Variants in HTR2C observed in about 807,000 individuals in gnomAD.
HTR2C encodes the protein 5-hydroxytryptamine (serotonin) receptor 2C, G protein-coupled.
In HTR2C, 5 loss-of-function variants were observed where a neutral mutation model predicts 21.0. The observed-to-expected ratio is 0.24, with a 90% CI of 0.12 to 0.50. The LOEUF (loss-of-function observed/expected upper bound fraction) is 0.50. Among genes scored for constraint, HTR2C ranks in the 20% least tolerant of loss-of-function variants. The pLI is 0.98. For missense variants in HTR2C, 271 were observed against 371.2 expected (o/e 0.73, Z 2.22); for synonymous variants, 150 against 145.3 (o/e 1.03, Z -0.23).
intron 2 of HTR2C, among the ~76,000 whole-genome samples, chrX:114,622,578 G>A (rs973134071): frequency 9.0e-6 from 1 of 111,573 alleles, no homozygotes; most frequent in Non-Finnish European, 1.9e-5. Flanking sequence ...GATTTGCTGA[G>A]TAACTACTCT....
chrX:114,775,170 C>T, intron 4 of HTR2C: 1 of 521,512 alleles, frequency 1.9e-6, no homozygotes, highest in Non-Finnish European at 3.5e-6. Flanking sequence ...ACACTTTGTC[C>T]CTCTGCCTCT....
intron 4 of HTR2C, among the ~76,000 whole-genome samples, chrX:114,841,590 A>C (rs782188211): frequency 2.8e-4 from 31 of 110,386 alleles, no homozygotes; most frequent in African/African-American, 8.2e-4. Context: ...AAATACAAAA[A>C]ATTCGCCTGG....
At chrX:114,713,890 A>G (rs1386440154) in intron 2 of HTR2C, among the ~76,000 whole-genome samples, 1 of 111,396 alleles carries the variant, frequency 9.0e-6, no homozygotes, top group African/African-American at 3.3e-5. Context: ...ACACACACAG[A>G]GTCATGAGCA....
At chrX:114,625,006 T>G (rs1929321571) in intron 2 of HTR2C, among the ~76,000 whole-genome samples, 1 of 111,759 alleles carries the variant, frequency 8.9e-6, no homozygotes, top group Non-Finnish European at 1.9e-5. Flanking sequence ...AAAAAGATAT[T>G]TGGATATAGT....
At chrX:114,721,575 G>T (rs1285197098) in intron 2 of HTR2C, among the ~76,000 whole-genome samples, 2 of 105,239 alleles carry the variant, frequency 1.9e-5, no homozygotes, top group African/African-American at 6.9e-5. Context: ...TGGTGTTTTG[G>T]ACATGAAGTC....
intron 2 of HTR2C, among the ~76,000 whole-genome samples, chrX:114,706,767 A>G (rs1458341275): frequency 9.0e-6 from 1 of 110,988 alleles, no homozygotes; most frequent in Non-Finnish European, 1.9e-5. Flanking sequence ...ATAAAAATAG[A>G]TTTGCATAAA....
chrX:114,849,263 A>T (rs1363977041), intron 5 of HTR2C, among the ~76,000 whole-genome samples: 1 of 112,245 alleles, frequency 8.9e-6, no homozygotes, highest in African/African-American at 3.2e-5. Context: ...AAAAGATGCC[A>T]GCTTTTATGG....
intron 4 of HTR2C, among the ~76,000 whole-genome samples, chrX:114,843,761 T>G: frequency 9.0e-6 from 1 of 111,583 alleles, no homozygotes; most frequent in East Asian, 2.8e-4. Flanking sequence ...AAAGTATCTT[T>G]AACAAGATAA....
chrX:114,614,591 T>A (rs1159443403), intron 2 of HTR2C, among the ~76,000 whole-genome samples: 1 of 110,937 alleles, frequency 9.0e-6, no homozygotes, highest in Non-Finnish European at 1.9e-5. Context: ...ATATCCATGA[T>A]TGGGGTGTAG....
At chrX:114,787,946 C>CAAA (rs1204419085) in intron 4 of HTR2C, among the ~76,000 whole-genome samples, 51 of 33,761 alleles carry the variant, frequency 1.5e-3, no homozygotes, top group African/African-American at 4.6e-3. Flanking sequence ...GACTCTGTCT[C>CAAA]AAAAAAAAAA....
At chrX:114,814,468 T>C (rs182149590) in intron 4 of HTR2C, among the ~76,000 whole-genome samples, 72 of 109,627 alleles carry the variant, frequency 6.6e-4, no homozygotes, top group African/African-American at 2.3e-3. Flanking sequence ...ATCTATCCAG[T>C]GTTAACAATT....
chrX:114,868,934 T>C (rs1179804468), intron 5 of HTR2C, among the ~76,000 whole-genome samples: 1 of 110,646 alleles, frequency 9.0e-6, no homozygotes, highest in African/African-American at 3.3e-5. Flanking sequence ...GTTGGTTTGC[T>C]GCACCCATCA....
rs372719359 is a variant in HTR2C at position 114,631,189 on chromosome X, C to G, written c.-80+17308C>G. On this transcript the variant is annotated intron_variant, in intron 2 of 5. Coordinates refer to ENST00000276198, the MANE Select transcript of HTR2C (RefSeq NM_000868.4). ...GGCATGGTGGCGCACACATGTAGTC[C>G]CAGCTACTCGGGAGGCTGAGGCCAG... Among the ~76,000 whole-genome samples the G allele has an allele frequency of 5.2e-4, 58 of 110,713 alleles. No homozygotes were observed. In the South Asian group the frequency reaches 0.021, roughly 41 times the overall value.
At chrX:114,888,970 GAGAC>G (rs2071240578) in intron 5 of HTR2C, among the ~76,000 whole-genome samples, 1 of 111,588 alleles carries the variant, frequency 9.0e-6, no homozygotes, top group African/African-American at 3.3e-5. Flanking sequence ...CGTTTTCACA[GAGAC>G]AGTTTCTACT....
chrX:114,800,695 G>A (rs191429472), intron 4 of HTR2C, among the ~76,000 whole-genome samples: 158 of 111,404 alleles, frequency 1.4e-3, no homozygotes, highest in African/African-American at 4.8e-3. Flanking sequence ...CAACATTTAC[G>A]TAAAAATAGA....
chrX:114,855,035 C>T (rs191155929), intron 5 of HTR2C, among the ~76,000 whole-genome samples: 145 of 111,820 alleles, frequency 1.3e-3, no homozygotes, highest in African/African-American at 4.6e-3. Context: ...AATCATCTGA[C>T]TTAATAGAAG....
chrX:114,591,691 G>A (rs1165345324), intron 1 of HTR2C, among the ~76,000 whole-genome samples: 1 of 111,796 alleles, frequency 8.9e-6, no homozygotes, highest in Admixed American at 9.5e-5. Flanking sequence ...GATGAATAAA[G>A]AAAAGCCTGT....
At chrX:114,807,063 A>G (rs868906546) in intron 4 of HTR2C, among the ~76,000 whole-genome samples, 1 of 32,237 alleles carries the variant, frequency 3.1e-5, no homozygotes, top group Admixed American at 4.2e-4. Context: ...TATACACCAT[A>G]TATATACCAT....
chrX:114,895,785 C>T lies in HTR2C; in HGVS notation c.551-10804C>T, dbSNP rs188832741. Among the ~76,000 whole-genome samples, 55 of 111,012 alleles carry T rather than the reference C, an allele frequency of 5.0e-4. 1 individual carries two copies. Among genetic ancestry groups the T allele is most frequent in the African/African-American group, 1.7e-3 (52 of 30,591 alleles). ...GGCGGATCACATGAGGTCAGGATTT[C>T]GAGACCAGCTTGGCCAACATGGTGA... On this transcript the variant is annotated intron_variant, in intron 5 of 5. Coordinates refer to ENST00000276198, the MANE Select transcript of HTR2C (RefSeq NM_000868.4).
Sources: allele counts gnomAD v4.1 joint callset (sites outside exome capture counted in the v4.1 genomes callset), GRCh38; gene constraint gnomAD v4.1.1; transcripts MANE v1.5; gene names NCBI Gene and HGNC (gene_info 2026-07-23, HGNC 2026-07-21).